Variants in EML4 observed in about 807,000 individuals in gnomAD.
EML4 encodes echinoderm microtubule-associated protein-like 4.
Under a neutral mutation model 129.0 loss-of-function variants are expected in EML4, and 72 were observed. The observed-to-expected ratio is 0.56, with a 90% CI of 0.46 to 0.68. The LOEUF (loss-of-function observed/expected upper bound fraction) is 0.68. EML4 is among the 30% of genes least tolerant of loss of function. The pLI, the probability that EML4 is intolerant of heterozygous loss-of-function variation, is 0.00. For synonymous variants in EML4, 532 were observed against 405.0 expected, an observed-to-expected ratio of 1.31 and a Z score of -3.77; for missense variants, 1,363 against 1,190.6, an observed-to-expected ratio of 1.14 and a Z score of -2.13.
intron 1 of EML4, among the ~76,000 whole-genome samples, chr2:42,214,588 A>G (rs1011576206): frequency 6.6e-6 from 1 of 152,140 alleles, no homozygotes; most frequent in Non-Finnish European, 1.5e-5. Flanking sequence ...TAAAACAACA[A>G]TTTTGTTGTT....
chr2:42,231,506 T>C (rs1674344031), intron 1 of EML4, among the ~76,000 whole-genome samples: 1 of 152,218 alleles, frequency 6.6e-6, no homozygotes, highest in South Asian at 2.1e-4. Context: ...CCACACTGTT[T>C]TTTTTCCTTT....
At chr2:42,266,104 A>T (rs1436306675) in intron 6 of EML4, among the ~76,000 whole-genome samples, 1 of 152,166 alleles carries the variant, frequency 6.6e-6, no homozygotes, top group African/African-American at 2.4e-5. Flanking sequence ...TTAGAGATTT[A>T]ACTTGATTTC....
At chr2:42,200,638 G>T (rs1000888033) in intron 1 of EML4, among the ~76,000 whole-genome samples, 1 of 152,206 alleles carries the variant, frequency 6.6e-6, no homozygotes, top group African/African-American at 2.4e-5. Flanking sequence ...CAGACTTACA[G>T]ACTTTCTTTG....
At chr2:42,285,042 G>T (rs1470788003) in intron 9 of EML4, among the ~76,000 whole-genome samples, 1 of 149,956 alleles carries the variant, frequency 6.7e-6, no homozygotes, top group Non-Finnish European at 1.5e-5. Context: ...CTTAGTTGAT[G>T]AACCTGTTGA....
At chr2:42,232,244 G>T (rs1314248717) in intron 1 of EML4, among the ~76,000 whole-genome samples, 1 of 152,178 alleles carries the variant, frequency 6.6e-6, no homozygotes, top group African/African-American at 2.4e-5. Flanking sequence ...CACTGCACAA[G>T]TGGGAGGTGG....
At chr2:42,261,621 A>T (rs1665742335) in intron 4 of EML4, 1 of 180,082 alleles carries the variant, frequency 5.6e-6, no homozygotes, top group South Asian at 1.8e-4. Flanking sequence ...TATGTATGTA[A>T]CTATGCATAA....
chr2:42,293,264 A>G (rs1667755754), intron 11 of EML4, among the ~76,000 whole-genome samples: 1 of 152,018 alleles, frequency 6.6e-6, no homozygotes, highest in African/African-American at 2.4e-5. Flanking sequence ...GCGCACCGCC[A>G]CGCCGGCTAA....
intron 8 of EML4, among the ~76,000 whole-genome samples, chr2:42,284,046 AT>A (rs1667159603): frequency 6.6e-6 from 1 of 152,244 alleles, no homozygotes; most frequent in African/African-American, 2.4e-5. Flanking sequence ...TTAGGCACAT[AT>A]GCTACGCTAC....
intron 6 of EML4, among the ~76,000 whole-genome samples, chr2:42,277,343 G>C (rs115628115): frequency 0.014 from 2,121 of 152,250 alleles, 46 homozygotes; most frequent in African/African-American, 0.048. Flanking sequence ...TGCAGAAGTA[G>C]GGAATATTTA....
chr2:42,235,129 C>G (rs1326132660), intron 1 of EML4, among the ~76,000 whole-genome samples: 1 of 152,110 alleles, frequency 6.6e-6, no homozygotes, highest in East Asian at 1.9e-4. Flanking sequence ...GATCCCGTCT[C>G]TATTAAAAGT....
In EML4 at chr2:42,282,854, A is replaced by T. The variant is rs376404127; in HGVS notation, c.823A>T (p.Asn275Tyr). 4 of 1,612,988 alleles carry T rather than the reference A, an allele frequency of 2.5e-6. No individual in the cohort carries two copies. Among genetic ancestry groups the T allele is most frequent in the Non-Finnish European group, 3.4e-6 (4 of 1,179,198 alleles). Residue 275 changes from asparagine (N) to tyrosine (Y), a missense_variant, in exon 8 of 23, where the codon AAT becomes TAT. Transcript: ENST00000318522. ...TTATCGAGGAAAGGACTGTAGAGCT[A>T]ATGTTTACCTTCTTCCGACCGGGAA... ...YGYRGKDCRA[N>Y]VYLLPTGKIV...
chr2:42,303,769 C>CA (rs1553391386), intron 16 of EML4, among the ~76,000 whole-genome samples: 2 of 151,922 alleles, frequency 1.3e-5, no homozygotes, highest in Admixed American at 6.6e-5. Context: ...AGTAAAAATA[C>CA]AAAAAATTAG....
At chr2:42,237,345 G>T (rs1441919738) in intron 1 of EML4, among the ~76,000 whole-genome samples, 1 of 152,138 alleles carries the variant, frequency 6.6e-6, no homozygotes, top group East Asian at 1.9e-4. Flanking sequence ...GAATTCCATT[G>T]TAGTTAAGTA....
intron 1 of EML4, among the ~76,000 whole-genome samples, chr2:42,173,917 G>A (rs1393874964): frequency 1.3e-5 from 2 of 152,158 alleles, no homozygotes; most frequent in Admixed American, 1.3e-4. Flanking sequence ...CCAGAAATGG[G>A]GATGAAGGGA....
chr2:42,181,800 A>G (rs935491433), intron 1 of EML4, among the ~76,000 whole-genome samples: 1 of 152,140 alleles, frequency 6.6e-6, no homozygotes, highest in Non-Finnish European at 1.5e-5. Flanking sequence ...CCAGCCCTAG[A>G]ATCAGCCATT....
At position 42,176,710 on chromosome 2, in the gene EML4, C is replaced by T. The variant is rs146841784; in HGVS notation, c.25+7074C>T. On this transcript the variant is annotated intron_variant, in intron 1 of 22. Transcript: ENST00000318522. Reference sequence around the variant, plus strand: ...GGGTACTTATTGCAGAATGTTTATTCCAATAGTTATAAGGTGAAAGTAATT... The same window carrying T: ...GGGTACTTATTGCAGAATGTTTATTTCAATAGTTATAAGGTGAAAGTAATT... Among the ~76,000 whole-genome samples the T allele has an allele frequency of 5.5e-3, 837 of 152,266 alleles. 3 individuals carry two copies. Among genetic ancestry groups the T allele is most frequent in the Non-Finnish European group, 8.8e-3 (599 of 68,014 alleles).
chr2:42,256,770 A>AG, intron 3 of EML4, 140 bp downstream of exon 3: 1 of 1,072,136 alleles, frequency 9.3e-7, no homozygotes, highest in Non-Finnish European at 1.3e-6. Context: ...CTGTGAAAGT[A>AG]GAGACATTTA....
At chr2:42,272,543 A>G (rs974714844) in intron 6 of EML4, among the ~76,000 whole-genome samples, 4 of 152,166 alleles carry the variant, frequency 2.6e-5, no homozygotes, top group Non-Finnish European at 5.9e-5. Flanking sequence ...TTGGCCTCCC[A>G]AAGTGCTGGG....
At chr2:42,299,681 T>G (rs930265950) in intron 13 of EML4, among the ~76,000 whole-genome samples, 2 of 152,168 alleles carry the variant, frequency 1.3e-5, no homozygotes, top group South Asian at 4.1e-4. Context: ...TAGTTTTTTT[T>G]GTTTTGTTTT....
Sources: allele counts gnomAD v4.1 joint callset (sites outside exome capture counted in the v4.1 genomes callset), GRCh38; gene constraint gnomAD v4.1.1; transcripts MANE v1.5; gene names NCBI Gene and HGNC (gene_info 2026-07-23, HGNC 2026-07-21).